ATG10: variants seen among roughly 807,000 people sequenced by gnomAD.
ATG10 encodes ubiquitin-like-conjugating enzyme ATG10.
ATG10 carries 30 observed loss-of-function variants against 32.1 expected under a neutral mutation model. The ratio of observed to expected loss-of-function variants is 0.94; its 90% CI spans 0.70 to 1.27. ATG10 has a LOEUF of 1.27. Among genes scored for constraint, ATG10 ranks in the 50% most tolerant of loss-of-function variants. The probability of loss-of-function intolerance (pLI) is 0.00; values close to 1 mark genes in which losing one functional copy is unlikely to be tolerated. For missense variants in ATG10, 233 were observed against 262.3 expected (o/e 0.89, Z 0.77); for synonymous variants, 87 against 91.5 (o/e 0.95, Z 0.28).
At chr5:82,042,833 G>A (rs1188346400) in intron 2 of ATG10, among the ~76,000 whole-genome samples, 2 of 152,244 alleles carry the variant, frequency 1.3e-5, no homozygotes, top group East Asian at 1.9e-4. Context: ...ATGGGTTTGG[G>A]CAGCTCCGCC....
At chr5:81,984,675 C>T (rs1343170447) in intron 1 of ATG10, among the ~76,000 whole-genome samples, 5 of 152,196 alleles carry the variant, frequency 3.3e-5, no homozygotes, top group African/African-American at 9.7e-5. Flanking sequence ...GCCATATTTT[C>T]ATCCATCTCA....
intron 2 of ATG10, among the ~76,000 whole-genome samples, chr5:82,058,177 T>C (rs569811580): frequency 1.3e-5 from 2 of 152,316 alleles, no homozygotes; most frequent in African/African-American, 4.8e-5. Context: ...ATATTAATTA[T>C]GTGACAAGCT....
intron 2 of ATG10, among the ~76,000 whole-genome samples, chr5:82,037,469 G>A (rs996277553): frequency 2.0e-5 from 3 of 150,222 alleles, no homozygotes; most frequent in Non-Finnish European, 4.4e-5. Context: ...GGATGGTCTC[G>A]ATCTCCTGAC....
intron 3 of ATG10, among the ~76,000 whole-genome samples, chr5:82,145,039 C>G (rs878888243): frequency 1.3e-5 from 2 of 151,964 alleles, no homozygotes; most frequent in South Asian, 2.1e-4. Flanking sequence ...ATGAAGTATC[C>G]CTGTTTATCT....
chr5:82,087,979 A>G (rs1486175576), intron 3 of ATG10, among the ~76,000 whole-genome samples: 1 of 152,178 alleles, frequency 6.6e-6, no homozygotes, highest in African/African-American at 2.4e-5. Context: ...ATACCTTAAG[A>G]AAGTGATTTA....
chr5:82,063,539 C>T (rs1194061932), intron 3 of ATG10, among the ~76,000 whole-genome samples: 2 of 151,204 alleles, frequency 1.3e-5, no homozygotes, highest in East Asian at 3.9e-4. Context: ...GTTGCCCAGG[C>T]TGGACTGCAG....
chr5:82,079,168 G>A (rs2149778678), intron 3 of ATG10, among the ~76,000 whole-genome samples: 1 of 152,192 alleles, frequency 6.6e-6, no homozygotes, highest in African/African-American at 2.4e-5. Context: ...TTATATCTGG[G>A]CAAAGCCAAT....
chr5:82,102,666 A>T (rs1765319738), intron 3 of ATG10, among the ~76,000 whole-genome samples: 1 of 152,196 alleles, frequency 6.6e-6, no homozygotes, highest in Non-Finnish European at 1.5e-5. Flanking sequence ...CTTCCAATAC[A>T]TAAAAAGACC....
intron 3 of ATG10, among the ~76,000 whole-genome samples, chr5:82,158,962 T>C (rs1263159441): frequency 6.6e-6 from 1 of 152,164 alleles, no homozygotes; most frequent in Non-Finnish European, 1.5e-5. Context: ...CTGAGCCCTA[T>C]ATATACTATG....
chr5:82,157,226 G>T (rs1767834442), intron 3 of ATG10, among the ~76,000 whole-genome samples: 1 of 152,014 alleles, frequency 6.6e-6, no homozygotes, highest in African/African-American at 2.4e-5. Context: ...GTAAAGAATG[G>T]CACCTTTTTA....
chr5:82,004,374 C>T (rs1761932420), intron 2 of ATG10, among the ~76,000 whole-genome samples: 1 of 152,120 alleles, frequency 6.6e-6, no homozygotes, highest in African/African-American at 2.4e-5. Context: ...ACAGAGTACC[C>T]TGTATGAAGT....
chr5:82,163,805 T>C (rs1743462742), intron 3 of ATG10, among the ~76,000 whole-genome samples: 1 of 152,234 alleles, frequency 6.6e-6, no homozygotes, highest in East Asian at 1.9e-4. Flanking sequence ...CCATCTACTC[T>C]ATTATAAATC....
intron 3 of ATG10, among the ~76,000 whole-genome samples, chr5:82,084,618 AC>A (rs1764603814): frequency 6.6e-6 from 1 of 152,248 alleles, no homozygotes. Flanking sequence ...AGCCCATCAG[AC>A]TAACAGCGGA....
chr5:82,212,478 G>A (rs1163243618), intron 5 of ATG10, among the ~76,000 whole-genome samples: 1 of 152,156 alleles, frequency 6.6e-6, no homozygotes, highest in Non-Finnish European at 1.5e-5. Context: ...GAACCAGGCA[G>A]TTCACAGACA....
At chr5:82,004,608 T>C (rs1365719538) in intron 2 of ATG10, among the ~76,000 whole-genome samples, 1 of 152,194 alleles carries the variant, frequency 6.6e-6, no homozygotes, top group Non-Finnish European at 1.5e-5. Context: ...TTTTGTTGTT[T>C]GTTTGTTTTT....
intron 2 of ATG10, among the ~76,000 whole-genome samples, chr5:82,033,875 CTA>C (rs1385103833): frequency 6.7e-6 from 1 of 149,012 alleles, no homozygotes; most frequent in African/African-American, 2.5e-5. Flanking sequence ...ATATGTGTAT[CTA>C]TAAACATATT....
chr5:82,008,456 CA>C (rs1174275744), intron 2 of ATG10, among the ~76,000 whole-genome samples: 2 of 151,834 alleles, frequency 1.3e-5, no homozygotes, highest in Non-Finnish European at 2.9e-5. Flanking sequence ...AAATCTTAAG[CA>C]ATAATTTCAA....
At chr5:82,228,862 G>T (rs1746238637) in intron 5 of ATG10, among the ~76,000 whole-genome samples, 1 of 152,094 alleles carries the variant, frequency 6.6e-6, no homozygotes, top group African/African-American at 2.4e-5. Flanking sequence ...GAAAGTAGAG[G>T]CATAAAATTA....
At chr5:82,242,153 G>A (rs1243779809) in intron 5 of ATG10, among the ~76,000 whole-genome samples, 1 of 151,858 alleles carries the variant, frequency 6.6e-6, no homozygotes, top group East Asian at 1.9e-4. Flanking sequence ...TTTTAAAAAT[G>A]GATAAAAATA....
Sources: allele counts gnomAD v4.1 joint callset (sites outside exome capture counted in the v4.1 genomes callset), GRCh38; gene constraint gnomAD v4.1.1; transcripts MANE v1.5; gene names NCBI Gene and HGNC (gene_info 2026-07-23, HGNC 2026-07-21).